Variants in CCDC18 observed in about 807,000 individuals in gnomAD.
CCDC18 encodes coiled-coil domain-containing protein 18.
A neutral mutation model predicts 196.0 loss-of-function variants in CCDC18; 157 were observed. The ratio of observed to expected loss-of-function variants is 0.80; its 90% CI spans 0.70 to 0.91. The LOEUF is 0.91. Among genes scored for constraint, CCDC18 ranks in the 40% least tolerant of loss-of-function variants. The pLI, the probability that CCDC18 is intolerant of heterozygous loss-of-function variation, is 0.00. For synonymous variants in CCDC18, 482 were observed against 529.2 expected (o/e 0.91, Z 1.22); for missense variants, 1,465 against 1,611.6 (o/e 0.91, Z 1.56).
intron 23 of CCDC18, among the ~76,000 whole-genome samples, chr1:93,247,602 GATGGGGTTTTGCC>G (rs1184418647): frequency 6.6e-6 from 1 of 151,930 alleles, no homozygotes; most frequent in East Asian, 1.9e-4. Flanking sequence ...TTTTTGTAGA[GATGGGGTTTTGCC>G]ATGTTGCCTA....
chr1:93,184,923 CTCAT>C (rs1385870016), intron 3 of CCDC18, among the ~76,000 whole-genome samples: 1 of 151,830 alleles, frequency 6.6e-6, no homozygotes, highest in Non-Finnish European at 1.5e-5. Context: ...GATCTCTATC[CTCAT>C]TCAAATTGCT....
intron 27 of CCDC18, 144 bp from the exon 28 acceptor site, chr1:93,270,201 CAG>C: frequency 1.7e-6 from 1 of 593,116 alleles, no homozygotes; most frequent in Non-Finnish European, 3.0e-6. Context: ...AGGTTTTAAA[CAG>C]AGCTTGGAAA....
intron 7 of CCDC18, among the ~76,000 whole-genome samples, chr1:93,202,217 G>A (rs893390237): frequency 6.6e-6 from 1 of 152,142 alleles, no homozygotes; most frequent in South Asian, 2.1e-4. Context: ...GTAGAGAGAG[G>A]AGAAGGAACA....
At position 93,231,143 on chromosome 1, in the gene CCDC18, A is replaced by G. The variant is rs115976650; in HGVS notation, c.2293-1283A>G. ...GAAGGCCTTAATGTTCACCTGCTGGATAGTTAGAAAAAAGAAGCAAGTCGT... is the reference window on the plus strand; with the variant it reads ...GAAGGCCTTAATGTTCACCTGCTGGGTAGTTAGAAAAAAGAAGCAAGTCGT... On this transcript the variant is annotated intron_variant, in intron 17 of 28. Coordinates refer to ENST00000690025, the MANE Select transcript of CCDC18 (RefSeq NM_001378204.1). Among the ~76,000 whole-genome samples, 1,303 of 152,330 alleles carry G rather than the reference A, an allele frequency of 8.6e-3. 19 individuals carry two copies. Among genetic ancestry groups the G allele is most frequent in the African/African-American group, 0.03 (1,247 of 41,574 alleles).
chr1:93,254,329 A>T, intron 23 of CCDC18, 142 bp from the exon 24 acceptor site: 1 of 585,062 alleles, frequency 1.7e-6, no homozygotes, highest in Non-Finnish European at 2.9e-6. Flanking sequence ...TTTTGTGCTT[A>T]TTTCCAGGAT....
At chr1:93,272,524 A>G (rs1385521367) in intron 28 of CCDC18, among the ~76,000 whole-genome samples, 1 of 150,946 alleles carries the variant, frequency 6.6e-6, no homozygotes, top group Non-Finnish European at 1.5e-5. Context: ...ATATTTCACA[A>G]TGTATTTCAA....
chr1:93,264,884 G>A lies in CCDC18; in HGVS notation c.3868G>A (p.Glu1290Lys). The part of the protein sequence containing the change: ...DRNEVIEAAN[E>K]ALLTKESELT... ...GAATGAAGTAATTGAAGCTGCAAAT[G>A]AAGCATTACTTACTAAAGTAAGTAA... The change falls in exon 27 of 29, where the codon GAA (glutamate) becomes AAA (lysine). Residue 1290 changes from glutamate (E) to lysine (K), a missense_variant. Coordinates refer to ENST00000690025, the MANE Select transcript of CCDC18 (RefSeq NM_001378204.1). 1 of 1,607,668 alleles carries A rather than the reference G, an allele frequency of 6.2e-7. No individual in the cohort carries two copies. Among genetic ancestry groups the A allele is most frequent in the Non-Finnish European group, 8.5e-7 (1 of 1,174,360 alleles).
At chr1:93,186,598 ATGTG>A (rs1650714843) in intron 4 of CCDC18, 95 bp downstream of exon 4, 1 of 940,130 alleles carries the variant, frequency 1.1e-6, no homozygotes, top group African/African-American at 1.7e-5. Flanking sequence ...CATTGCCTTA[ATGTG>A]TTATGGGAAG....
chr1:93,233,152 T>C (rs1311589491), intron 18 of CCDC18, among the ~76,000 whole-genome samples: 1 of 152,216 alleles, frequency 6.6e-6, no homozygotes, highest in African/African-American at 2.4e-5. Context: ...TCTCTTCTTG[T>C]ACCTAATCTG....
chr1:93,236,254 A>G lies in CCDC18; in HGVS notation c.2467A>G (p.Lys823Glu). Residue 823 changes from lysine to glutamate, a missense_variant, in exon 19 of 29, where the codon AAA becomes GAA. Coordinates refer to ENST00000690025, the MANE Select transcript of CCDC18 (RefSeq NM_001378204.1). Reference protein sequence around the residue: ...TQTKLEKQVSKLEQELQKQRE... With the variant: ...TQTKLEKQVSELEQELQKQRE... ...CTGAAAACTGCTTTACAAGGTGTCA[A>G]AACTGGAACAAGAACTTCAAAAACA... 6.4e-7 allele frequency: 1 copy of G among 1,571,654 alleles called. No homozygotes were observed. The highest frequency in any genetic ancestry group is 8.6e-7 in the Non-Finnish European group (1 of 1,167,752).
Position 93,239,769 on chromosome 1 carries a change from CA to C in CCDC18, c.2858del (p.Asn953MetfsTer6), listed in dbSNP as rs1182963438. On this transcript the variant is annotated frameshift_variant, in exon 21 of 29. Transcript: ENST00000690025. LOFTEE classifies it high-confidence loss of function. Reference sequence around the variant, plus strand: ...ACGGGAAGTACTTGAGACTGAACTACAAAATGCTCATGGAGAATTAAAAAGT... The same window carrying C: ...ACGGGAAGTACTTGAGACTGAACTACAAATGCTCATGGAGAATTAAAAAGT... ...QKREVLETEL[Q>X]NAHGELKSTL... 1 of 1,613,280 alleles carries C rather than the reference CA, an allele frequency of 6.2e-7. No individual in the cohort carries two copies. The highest frequency in any genetic ancestry group is 1.3e-5 in the African/African-American group (1 of 74,840).
At chr1:93,194,090 C>G (rs1191142746) in intron 6 of CCDC18, among the ~76,000 whole-genome samples, 1 of 152,010 alleles carries the variant, frequency 6.6e-6, no homozygotes, top group African/African-American at 2.4e-5. Context: ...AATATTACCT[C>G]TAATAAAACT....
intron 5 of CCDC18, among the ~76,000 whole-genome samples, chr1:93,193,281 G>A (rs950270719): frequency 6.6e-6 from 1 of 152,030 alleles, no homozygotes; most frequent in Non-Finnish European, 1.5e-5. Flanking sequence ...TTTTGCAGTG[G>A]GTAGAACTGT....
At chr1:93,236,129 A>T in intron 18 of CCDC18, 119 bp from the exon 19 acceptor site, 1 of 762,074 alleles carries the variant, frequency 1.3e-6, no homozygotes, top group Non-Finnish European at 2.1e-6. Flanking sequence ...TCCAAACATT[A>T]CTTCTTGGTC....
At chr1:93,196,826 G>A (rs1451852159) in intron 6 of CCDC18, among the ~76,000 whole-genome samples, 8 of 152,140 alleles carry the variant, frequency 5.3e-5, no homozygotes, top group Admixed American at 3.3e-4. Flanking sequence ...GATTGATGTC[G>A]TATGTATTAT....
At chr1:93,259,024 A>G in intron 26 of CCDC18, 139 bp downstream of exon 26, 1 of 691,836 alleles carries the variant, frequency 1.4e-6, no homozygotes, top group Non-Finnish European at 2.2e-6. Flanking sequence ...CTAAACATAC[A>G]GCTTTCACTT....
intron 28 of CCDC18, 46 bp from the exon 29 acceptor site, chr1:93,278,417 T>C (rs745839503): frequency 5.4e-5 from 44 of 817,930 alleles, no homozygotes; most frequent in Non-Finnish European, 7.2e-5. Flanking sequence ...GCTAAATCAG[T>C]TTAGGAATAT....
At chr1:93,240,932 A>G (rs1380964970) in intron 21 of CCDC18, among the ~76,000 whole-genome samples, 1 of 152,098 alleles carries the variant, frequency 6.6e-6, no homozygotes, top group Admixed American at 6.6e-5. Context: ...CATCCAGTGT[A>G]TTAGCAAGCC....
chr1:93,190,508 G>A (rs1651568493), intron 4 of CCDC18, among the ~76,000 whole-genome samples: 1 of 152,020 alleles, frequency 6.6e-6, no homozygotes, highest in Non-Finnish European at 1.5e-5. Flanking sequence ...ATTTTTTCAG[G>A]TGTTAGTATT....
Sources: gnomAD v4.1 joint callset for allele counts (sites outside exome capture counted in the v4.1 genomes callset) on GRCh38, gnomAD v4.1.1 for gene constraint, MANE v1.5 for transcripts, NCBI Gene and HGNC (gene_info 2026-07-23, HGNC 2026-07-21) for gene names.